Variants in CC2D2A observed in about 807,000 individuals in gnomAD.
The protein encoded by CC2D2A is coiled-coil and C2 domain containing 2A.
Under a neutral mutation model 212.9 loss-of-function variants are expected in CC2D2A, and 155 were observed. The ratio of observed to expected loss-of-function variants is 0.73; its 90% CI spans 0.64 to 0.83. The LOEUF is 0.83. Among genes scored for constraint, CC2D2A ranks in the 40% least tolerant of loss-of-function variants. The pLI, the probability that CC2D2A is intolerant of heterozygous loss-of-function variation, is 0.00. For missense variants in CC2D2A, 1,856 were observed against 1,956.2 expected, an observed-to-expected ratio of 0.95 and a Z score of 0.97; for synonymous variants, 667 against 686.5, an observed-to-expected ratio of 0.97 and a Z score of 0.44.
chr4:15,478,807 G>A lies in CC2D2A; in HGVS notation c.123+1G>A, dbSNP rs1335499556. On this transcript the variant is annotated splice_donor_variant, in intron 3 of 36. Coordinates refer to ENST00000424120, the MANE Select transcript of CC2D2A (RefSeq NM_001378615.1). LOFTEE classifies it high-confidence loss of function. ...TCGAAGACAGCCAAGAAAGAAACAG[G>A]TAAGAAGTGACAAGAAACTGTGTCT... 1 of 1,551,088 alleles carries A rather than the reference G, an allele frequency of 6.4e-7. No individual in the cohort carries two copies. Among genetic ancestry groups the A allele is most frequent in the African/African-American group, 1.4e-5 (1 of 73,026 alleles).
intron 24 of CC2D2A, chr4:15,563,745 C>A (rs1719732409): frequency 5.5e-6 from 3 of 546,820 alleles, no homozygotes; most frequent in Non-Finnish European, 9.8e-6. Flanking sequence ...ATAACTCGGA[C>A]AAGAGGTATA....
intron 4 of CC2D2A, among the ~76,000 whole-genome samples, chr4:15,493,278 T>C (rs1050144065): frequency 6.6e-5 from 10 of 152,050 alleles, no homozygotes; most frequent in African/African-American, 1.9e-4. Context: ...ATTTACTTAC[T>C]TACTTACTGA....
At position 15,516,532 on chromosome 4, in the gene CC2D2A, GAC is replaced by G. The variant is rs1483536759; in HGVS notation, c.1018-89_1018-88del. ...AGGAAGTACATGAAATATATATGTT[GAC>G]ACAGAATTTTCAAGAAATGTTGTTT... On this transcript the variant is annotated intron_variant, in intron 10 of 36. Coordinates refer to ENST00000424120, the MANE Select transcript of CC2D2A (RefSeq NM_001378615.1). 12 of 1,263,976 alleles carry G rather than the reference GAC, an allele frequency of 9.5e-6. No homozygotes were observed. The East Asian group carries it at 2.2e-4, about 23-fold the overall frequency. The allele number at this position is 1,263,976 out of a possible 1,614,324, so 78.3% of individuals were successfully genotyped here. A position where few individuals can be genotyped will look rare whatever the true frequency, so the allele number is the denominator to read the frequency against.
Position 15,600,896 on chromosome 4 carries a change from C to A in CC2D2A, c.4675-341C>A, listed in dbSNP as rs530592667. 2.0e-3 allele frequency among the ~76,000 whole-genome samples: 196 copies of A among 99,384 alleles called. 1 individual carries two copies. The highest frequency in any genetic ancestry group is 6.8e-3 in the African/African-American group (190 of 28,140). 65.2% of individuals were successfully genotyped at this position (99,384 alleles called of 152,430 possible). A position where few individuals can be genotyped will look rare whatever the true frequency, so the allele number is the denominator to read the frequency against. On this transcript the variant is annotated intron_variant, in intron 36 of 36. Coordinates refer to ENST00000424120, the MANE Select transcript of CC2D2A (RefSeq NM_001378615.1). ...CAGTCTAGCATGGACAACAGTCAGA[C>A]CTGTCTCAAAAAAAAAAAAAAAAAA...
rs1241139222 is a variant in CC2D2A at position 15,491,847 on chromosome 4, T to C, written c.248-10582T>C. ...AAGTCAGTGGCTTGTCTTTTCATTT[T>C]CTTAATGGTGTCTTTGAAGTACAAA... is the stretch of plus-strand genomic sequence containing the variant. On this transcript the variant is annotated intron_variant, in intron 4 of 36. Coordinates refer to ENST00000424120, the MANE Select transcript of CC2D2A (RefSeq NM_001378615.1). 3.3e-5 allele frequency among the ~76,000 whole-genome samples: 5 copies of C among 152,348 alleles called. No homozygotes were observed. The South Asian group carries it at 1.0e-3, about 32-fold the overall frequency.
intron 4 of CC2D2A, among the ~76,000 whole-genome samples, chr4:15,490,897 A>C (rs979319219): frequency 2.0e-5 from 3 of 152,120 alleles, no homozygotes; most frequent in Non-Finnish European, 2.9e-5. Flanking sequence ...TTACTGGTGC[A>C]TGCAGCCCCC....
intron 4 of CC2D2A, among the ~76,000 whole-genome samples, chr4:15,490,704 A>C (rs1444009373): frequency 1.3e-5 from 2 of 152,136 alleles, no homozygotes; most frequent in South Asian, 2.1e-4. Flanking sequence ...ATATTGTCTT[A>C]TGCCCAATTT....
At position 15,550,968 on chromosome 4, in the gene CC2D2A, G is replaced by A. The variant is rs200764366; in HGVS notation, c.2326G>A (p.Gly776Arg). 957 of 1,593,356 alleles carry A rather than the reference G, an allele frequency of 6.0e-4. 4 individuals are homozygous for A. The highest frequency in any genetic ancestry group is 6.5e-4 in the Non-Finnish European group (759 of 1,164,158). ...SNQHVTLDHE[G>R]VGSGVPFSFE... is the part of the protein sequence containing the mutation. ...TCAGCATGTGACACTGGACCACGAG[G>A]GAGTTGGAAGTGGTATGGAAAGCTA... is the stretch of plus-strand genomic sequence containing the variant. The change falls in exon 18 of 37, where the codon GGA (glycine) becomes AGA (arginine). Residue 776 changes from glycine to arginine, a missense_variant. Transcript: ENST00000424120.
intron 17 of CC2D2A, among the ~76,000 whole-genome samples, chr4:15,546,807 G>A (rs1335821477): frequency 6.6e-6 from 1 of 152,190 alleles, no homozygotes; most frequent in Non-Finnish European, 1.5e-5. Context: ...GGCGGCTGCA[G>A]GGAAGATGGG....
At chr4:15,598,001 T>C (rs1253867952) in intron 35 of CC2D2A, among the ~76,000 whole-genome samples, 1 of 152,146 alleles carries the variant, frequency 6.6e-6, no homozygotes, top group African/African-American at 2.4e-5. Flanking sequence ...TTTCAAGACA[T>C]GTGTACTATT....
intron 7 of CC2D2A, 52 bp from the exon 8 acceptor site, chr4:15,511,195 C>T (rs552705778): frequency 1.2e-5 from 19 of 1,524,174 alleles, no homozygotes; most frequent in Middle Eastern, 1.7e-4. Context: ...TTGTGCAGAG[C>T]GCATTACAGC....
At chr4:15,589,523 T>A in intron 32 of CC2D2A, 22 bp from the exon 33 acceptor site, 1 of 1,605,030 alleles carries the variant, frequency 6.2e-7, no homozygotes. Flanking sequence ...GAAAACTAGT[T>A]TTAATGGCCA....
Position 15,599,550 on chromosome 4 carries a change from A to G in CC2D2A, c.4518A>G (p.Glu1506=), listed in dbSNP as rs772272007. 4.5e-5 allele frequency: 70 copies of G among 1,568,418 alleles called. No homozygotes were observed. Among genetic ancestry groups the G allele is most frequent in the Non-Finnish European group, 5.7e-5 (66 of 1,154,004 alleles). ...LQDRIEKILK[E]KIMDWRPRHL... ...ACAGGATTGAAAAAATACTAAAAGA[A>G]AAAATCATGGACTGGAGGCCACGCC... Residue 1506 remains glutamate (E), a synonymous_variant, in exon 36 of 37, where the codon GAA becomes GAG. Coordinates refer to ENST00000424120, the MANE Select transcript of CC2D2A (RefSeq NM_001378615.1).
At chr4:15,574,363 G>C (rs1210193980) in intron 29 of CC2D2A, 37 bp downstream of exon 29, 2 of 1,461,782 alleles carry the variant, frequency 1.4e-6, no homozygotes, top group Non-Finnish European at 1.8e-6. Flanking sequence ...TGTCTATGTT[G>C]ATAAAACACA....
chr4:15,557,955 G>C (rs2109058790), intron 21 of CC2D2A, among the ~76,000 whole-genome samples: 1 of 152,278 alleles, frequency 6.6e-6, no homozygotes, highest in South Asian at 2.1e-4. Context: ...GATCTGAATA[G>C]CCATGGGATG....
At chr4:15,485,314 C>T (rs1560144834) in intron 4 of CC2D2A, among the ~76,000 whole-genome samples, 1 of 152,166 alleles carries the variant, frequency 6.6e-6, no homozygotes, top group African/African-American at 2.4e-5. Context: ...AAATTTCATT[C>T]TTTTTTATGG....
In CC2D2A at chr4:15,601,419, C is replaced by A; in HGVS notation, c.4857C>A (p.Asn1619Lys). Reference sequence around the variant, plus strand: ...TCTATGTTGCCTCTCTTATACGCAACAGGTAATTTTTTTCACTGTACTTTC... The same window carrying A: ...TCTATGTTGCCTCTCTTATACGCAAAAGGTAATTTTTTTCACTGTACTTTC... ...VWIYVASLIR[N>K]R Residue 1619 changes from asparagine (N) to lysine (K), a missense_variant, in exon 37 of 37, where the codon AAC (asparagine) becomes AAA (lysine). Physicochemically the swap from Asn to Lys is moderately conservative, Grantham distance 94. Transcript: ENST00000424120. The A allele has an allele frequency of 1.4e-6, 2 of 1,469,008 alleles. No homozygotes were observed. The highest frequency in any genetic ancestry group is 2.4e-5 in the East Asian group (1 of 42,050). 91.0% of individuals were successfully genotyped at this position (1,469,008 alleles called of 1,614,324 possible). A position where few individuals can be genotyped will look rare whatever the true frequency, so the allele number is the denominator to read the frequency against.
At chr4:15,563,664 A>T in intron 24 of CC2D2A, 142 bp downstream of exon 24, 1 of 795,958 alleles carries the variant, frequency 1.3e-6, no homozygotes. Flanking sequence ...CCAAGGCCCT[A>T]CTGTTTGCAA....
chr4:15,564,037 G>C (rs946976432), intron 24 of CC2D2A: 2 of 157,046 alleles, frequency 1.3e-5, no homozygotes, highest in African/African-American at 4.8e-5. Context: ...GTATGAGCTG[G>C]GGAGAGTCAC....
Sources: gnomAD v4.1 joint callset for allele counts (sites outside exome capture counted in the v4.1 genomes callset) on GRCh38, gnomAD v4.1.1 for gene constraint, MANE v1.5 for transcripts, NCBI Gene and HGNC (gene_info 2026-07-23, HGNC 2026-07-21) for gene names.